KCNQ3: variants seen among roughly 807,000 people sequenced by gnomAD.
KCNQ3 encodes potassium voltage-gated channel subfamily KQT member 3.
A neutral mutation model predicts 92.5 loss-of-function variants in KCNQ3; 30 were observed. The observed-to-expected ratio is 0.32, with a 90% CI of 0.24 to 0.44. The LOEUF is 0.44. Among genes scored for constraint, KCNQ3 ranks in the 20% least tolerant of loss-of-function variants. The pLI is 1.00. For synonymous variants in KCNQ3, 450 were observed against 468.8 expected (o/e 0.96, Z 0.52); for missense variants, 913 against 1,140.3 (o/e 0.80, Z 2.87).
At chr8:132,426,749 C>G (rs1821123129) in intron 1 of KCNQ3, among the ~76,000 whole-genome samples, 1 of 152,206 alleles carries the variant, frequency 6.6e-6, no homozygotes, top group South Asian at 2.1e-4. Context: ...AGAACCAAAA[C>G]ACAAATTCCT....
chr8:132,135,763 C>T (rs1034877680), intron 12 of KCNQ3, among the ~76,000 whole-genome samples: 9 of 152,116 alleles, frequency 5.9e-5, no homozygotes, highest in Admixed American at 3.3e-4. Flanking sequence ...TCTATTCATT[C>T]GGCAGGCAGT....
intron 1 of KCNQ3, among the ~76,000 whole-genome samples, chr8:132,414,595 G>A (rs947550503): frequency 2.0e-5 from 3 of 152,206 alleles, no homozygotes; most frequent in Non-Finnish European, 4.4e-5. Context: ...TGGGAGCTGG[G>A]GAGGAAGGGG....
intron 8 of KCNQ3, among the ~76,000 whole-genome samples, chr8:132,166,290 A>C (rs1826141584): frequency 1.3e-5 from 2 of 152,242 alleles, no homozygotes; most frequent in Admixed American, 6.5e-5. Context: ...GAAAATGAAA[A>C]GCCAGACATA....
At chr8:132,456,602 T>C (rs930046310) in intron 1 of KCNQ3, among the ~76,000 whole-genome samples, 16 of 122,764 alleles carry the variant, frequency 1.3e-4, no homozygotes, top group Non-Finnish European at 2.7e-4. Context: ...ATTTTTTTTT[T>C]ATTTTATTTA....
chr8:132,280,685 G>C (rs1368296853), intron 1 of KCNQ3, among the ~76,000 whole-genome samples: 1 of 152,148 alleles, frequency 6.6e-6, no homozygotes, highest in African/African-American at 2.4e-5. Flanking sequence ...TGAGAGATGA[G>C]GGACAAAGGA....
chr8:132,437,256 G>C (rs55856112), intron 1 of KCNQ3, among the ~76,000 whole-genome samples: 28,902 of 150,848 alleles, frequency 0.19, 2,981 homozygotes, highest in Middle Eastern at 0.25. Context: ...CTCCAGCCTG[G>C]GCGACAGCGA....
At chr8:132,318,171 T>A (rs1009055678) in intron 1 of KCNQ3, among the ~76,000 whole-genome samples, 3 of 152,244 alleles carry the variant, frequency 2.0e-5, no homozygotes, top group Non-Finnish European at 4.4e-5. Context: ...TGAGGGAGTC[T>A]GGCTTTCCTA....
chr8:132,348,714 G>A (rs1208787644), intron 1 of KCNQ3, among the ~76,000 whole-genome samples: 1 of 152,194 alleles, frequency 6.6e-6, no homozygotes, highest in Non-Finnish European at 1.5e-5. Context: ...TAACCAGGCA[G>A]TCCTGCTTCA....
chr8:132,438,991 A>G (rs1821462630), intron 1 of KCNQ3, among the ~76,000 whole-genome samples: 1 of 149,872 alleles, frequency 6.7e-6, no homozygotes, highest in Non-Finnish European at 1.5e-5. Flanking sequence ...GACGGAGGCC[A>G]AAAGCAGTTT....
intron 1 of KCNQ3, among the ~76,000 whole-genome samples, chr8:132,307,910 T>G (rs1160108962): frequency 1.3e-5 from 2 of 152,286 alleles, no homozygotes; most frequent in African/African-American, 4.8e-5. Context: ...GGGTTCTCTT[T>G]ATGTTCCCTG....
At chr8:132,366,367 G>A (rs761272042) in intron 1 of KCNQ3, among the ~76,000 whole-genome samples, 43 of 151,892 alleles carry the variant, frequency 2.8e-4, no homozygotes, top group Non-Finnish European at 5.7e-4. Context: ...AGTTTTCCAG[G>A]CATTAATTAT....
chr8:132,416,644 C>A (rs1270123309), intron 1 of KCNQ3, among the ~76,000 whole-genome samples: 1 of 152,036 alleles, frequency 6.6e-6, no homozygotes. Flanking sequence ...AAAAAAAATT[C>A]ATACATTTAC....
At chr8:132,406,855 A>G (rs1563898962) in intron 1 of KCNQ3, among the ~76,000 whole-genome samples, 1 of 152,206 alleles carries the variant, frequency 6.6e-6, no homozygotes, top group Non-Finnish European at 1.5e-5. Flanking sequence ...TTAAAGTTCT[A>G]AAAAGGTGTG....
intron 1 of KCNQ3, among the ~76,000 whole-genome samples, chr8:132,349,469 T>C (rs1200764407): frequency 6.6e-6 from 1 of 152,244 alleles, no homozygotes; most frequent in African/African-American, 2.4e-5. Flanking sequence ...GACTCATCAC[T>C]GACAAAGCGG....
At chr8:132,177,758 G>A (rs1454296178) in intron 4 of KCNQ3, among the ~76,000 whole-genome samples, 2 of 152,120 alleles carry the variant, frequency 1.3e-5, no homozygotes, top group Admixed American at 6.5e-5. Context: ...CATAGTACCC[G>A]GCCCAGAGTA....
At chr8:132,281,766 A>C (rs918875206) in intron 1 of KCNQ3, among the ~76,000 whole-genome samples, 2 of 152,148 alleles carry the variant, frequency 1.3e-5, no homozygotes, top group African/African-American at 4.8e-5. Flanking sequence ...AGTGAGGTTC[A>C]TGTAGACCTT....
chr8:132,370,729 C>T (rs974170679), intron 1 of KCNQ3, among the ~76,000 whole-genome samples: 1 of 152,136 alleles, frequency 6.6e-6, no homozygotes, highest in Non-Finnish European at 1.5e-5. Flanking sequence ...CTTACTGGTA[C>T]TATTGGAAAT....
intron 1 of KCNQ3, among the ~76,000 whole-genome samples, chr8:132,333,304 C>T (rs570898073): frequency 1.6e-4 from 25 of 152,002 alleles, no homozygotes; most frequent in Admixed American, 5.2e-4. Flanking sequence ...AGAGAGCAAG[C>T]GAAGAGAAAA....
At chr8:132,179,008 G>T (rs1394589339) in intron 4 of KCNQ3, among the ~76,000 whole-genome samples, 1 of 145,316 alleles carries the variant, frequency 6.9e-6, no homozygotes, top group Non-Finnish European at 1.5e-5. Flanking sequence ...GGTGCAAAAA[G>T]ATACTCTCTT....
Sources: gnomAD v4.1 joint callset for allele counts (sites outside exome capture counted in the v4.1 genomes callset) on GRCh38, gnomAD v4.1.1 for gene constraint, MANE v1.5 for transcripts, NCBI Gene and HGNC (gene_info 2026-07-23, HGNC 2026-07-21) for gene names.